Variants in CLEC3A observed in about 807,000 individuals in gnomAD.
CLEC3A encodes the protein C-type (calcium dependent, carbohydrate-recognition domain) lectin, superfamily member 1 (cartilage-derived).
In CLEC3A, 28 loss-of-function variants were observed where a neutral mutation model predicts 20.4. The observed-to-expected ratio is 1.37, with a 90% CI of 1.02 to 1.88. The LOEUF is 1.88. Ranked by LOEUF, CLEC3A falls within the 40% of genes most tolerant of loss-of-function variation. The pLI is 0.00. For missense variants in CLEC3A, 357 were observed against 240.4 expected (o/e 1.48, Z -3.21); for synonymous variants, 110 against 88.1 (o/e 1.25, Z -1.39).
intron 1 of CLEC3A, among the ~76,000 whole-genome samples, chr16:78,027,648 G>GT (rs2029966014): frequency 1.3e-5 from 2 of 151,400 alleles, no homozygotes; most frequent in Non-Finnish European, 2.9e-5. Flanking sequence ...TTCATTCATT[G>GT]TTTTTTTGTT....
At position 78,032,063 on chromosome 16, in the gene CLEC3A, T is replaced by C. The variant is rs1183740352; in HGVS notation, c.*1222T>C. 1.3e-5 allele frequency: 2 copies of C among 152,656 alleles called. No homozygotes were observed. Among genetic ancestry groups the C allele is most frequent in the African/African-American group, 4.8e-5 (2 of 41,456 alleles). 9.5% of individuals were successfully genotyped at this position (152,656 alleles called of 1,614,324 possible). On this transcript the variant is annotated 3_prime_UTR_variant, in exon 3 of 3. Transcript: ENST00000299642. ...ATGCTTGGAATTAAGTTTTAGCTGTTTTCATTGCTCAATAATAAAGCCTGA... is the reference window on the plus strand; with the variant it reads ...ATGCTTGGAATTAAGTTTTAGCTGTCTTCATTGCTCAATAATAAAGCCTGA...
Position 78,030,679 on chromosome 16 carries a change from C to G in CLEC3A, c.432C>G (p.Val144=), listed in dbSNP as rs200673800. Residue 144 remains valine, a synonymous_variant, in exon 3 of 3, where the codon GTC becomes GTG. Coordinates refer to ENST00000299642, the MANE Select transcript of CLEC3A (RefSeq NM_005752.6). ...TCACGGAAGGCAAGTTTGTTGACGTCAACGGAATCGCTATCTCCTTCCTCA... is the reference window on the plus strand; with the variant it reads ...TCACGGAAGGCAAGTTTGTTGACGTGAACGGAATCGCTATCTCCTTCCTCA... ...DMVTEGKFVD[V]NGIAISFLNW... The G allele has an allele frequency of 6.2e-7, 1 of 1,614,126 alleles. No individual in the cohort carries two copies. The highest frequency in any genetic ancestry group is 8.5e-7 in the Non-Finnish European group (1 of 1,180,026).
At chr16:78,023,687 C>T (rs2018777440) in intron 1 of CLEC3A, among the ~76,000 whole-genome samples, 2 of 151,392 alleles carry the variant, frequency 1.3e-5, no homozygotes, top group African/African-American at 4.9e-5. Flanking sequence ...GGGTCTTGTG[C>T]TTTAAGGATT....
chr16:78,025,969 A>G (rs2029907037), intron 1 of CLEC3A, among the ~76,000 whole-genome samples: 1 of 152,136 alleles, frequency 6.6e-6, no homozygotes, highest in African/African-American at 2.4e-5. Flanking sequence ...GGGATGGGGG[A>G]TGACATTTTT....
chr16:78,028,825 T>G (rs1382374148), intron 2 of CLEC3A, among the ~76,000 whole-genome samples: 1 of 152,208 alleles, frequency 6.6e-6, no homozygotes, highest in Non-Finnish European at 1.5e-5. Flanking sequence ...AGTTACTGCC[T>G]TCAGGGAAGA....
At chr16:78,029,531 G>C (rs1597153562) in intron 2 of CLEC3A, among the ~76,000 whole-genome samples, 1 of 151,984 alleles carries the variant, frequency 6.6e-6, no homozygotes, top group Non-Finnish European at 1.5e-5. Flanking sequence ...ACCACATCCA[G>C]CTAATTTTTT....
intron 1 of CLEC3A, among the ~76,000 whole-genome samples, chr16:78,024,150 C>CAT (rs1389882086): frequency 6.6e-6 from 1 of 152,114 alleles, no homozygotes; most frequent in Non-Finnish European, 1.5e-5. Flanking sequence ...GTAGATGAAA[C>CAT]ATATTGCTGA....
intron 2 of CLEC3A, among the ~76,000 whole-genome samples, chr16:78,028,741 A>G (rs2029998557): frequency 1.3e-5 from 2 of 152,390 alleles, no homozygotes; most frequent in Admixed American, 6.5e-5. Flanking sequence ...TCATCCCCCA[A>G]GGAGCTAATA....
chr16:78,025,382 G>T (rs980471784), intron 1 of CLEC3A, among the ~76,000 whole-genome samples: 1 of 152,140 alleles, frequency 6.6e-6, no homozygotes, highest in Admixed American at 6.5e-5. Context: ...CCCCATGTTA[G>T]GATGTTATGA....
In CLEC3A at chr16:78,031,025, G is replaced by C; in HGVS notation, c.*184G>C. ...ATTTCTTTGGGATTTTGCCCTTCCT[G>C]GGGTATAGGGGATCAGAAATATTGA... On this transcript the variant is annotated 3_prime_UTR_variant, in exon 3 of 3. Transcript: ENST00000299642. The C allele has an allele frequency of 1.7e-6, 1 of 605,624 alleles. No individual in the cohort carries two copies. Among genetic ancestry groups the C allele is most frequent in the Non-Finnish European group, 2.8e-6 (1 of 359,348 alleles). The allele number at this position is 605,624 out of a possible 1,614,324, so 37.5% of individuals were successfully genotyped here.
chr16:78,030,666 A>C lies in CLEC3A; in HGVS notation c.419A>C (p.Lys140Thr). Residue 140 changes from lysine to threonine, a missense_variant, in exon 3 of 3, where the codon AAG (lysine) becomes ACG (threonine). Physicochemically the swap from Lys to Thr is moderately conservative, Grantham distance 78 (BLOSUM62 -1). Coordinates refer to ENST00000299642, the MANE Select transcript of CLEC3A (RefSeq NM_005752.6). ...ATCAATGACATGGTCACGGAAGGCA[A>C]GTTTGTTGACGTCAACGGAATCGCT... ...LGINDMVTEG[K>T]FVDVNGIAIS... 1 of 1,614,098 alleles carries C rather than the reference A, an allele frequency of 6.2e-7. No individual in the cohort carries two copies. The highest frequency in any genetic ancestry group is 8.5e-7 in the Non-Finnish European group (1 of 1,180,012).
chr16:78,027,278 G>C (rs2029951263), intron 1 of CLEC3A, among the ~76,000 whole-genome samples: 2 of 152,186 alleles, frequency 1.3e-5, no homozygotes, highest in African/African-American at 4.8e-5. Context: ...AATAAAATGT[G>C]AACTGAGACT....
chr16:78,030,092 G>C (rs574815265), intron 2 of CLEC3A, among the ~76,000 whole-genome samples: 2 of 144,840 alleles, frequency 1.4e-5, no homozygotes, highest in African/African-American at 2.5e-5. Context: ...GGCGGAGCTT[G>C]CAGTGAGCCG....
At chr16:78,027,450 A>C (rs2029957355) in intron 1 of CLEC3A, among the ~76,000 whole-genome samples, 1 of 152,184 alleles carries the variant, frequency 6.6e-6, no homozygotes, top group African/African-American at 2.4e-5. Flanking sequence ...ACACACAGGG[A>C]AGATGAGATT....
intron 2 of CLEC3A, chr16:78,029,083 T>A (rs966223836): frequency 1.3e-5 from 6 of 454,160 alleles, no homozygotes; most frequent in Admixed American, 9.5e-5. Flanking sequence ...AATCCATTAA[T>A]CCTCCAGCAA....
chr16:78,022,746 T>C lies in CLEC3A; in HGVS notation c.115+5T>C, dbSNP rs1567542237. ...ACAGCAAACGTCGAGTGAGAGGTAA[T>C]GGGGCTTCTCAATCAAGCAAAATTC... On this transcript the variant is annotated splice_donor_5th_base_variant and intron_variant, in intron 1 of 2. Transcript: ENST00000299642. 4 of 1,613,528 alleles carry C rather than the reference T, an allele frequency of 2.5e-6. No homozygotes were observed. Among genetic ancestry groups the C allele is most frequent in the Non-Finnish European group, 8.5e-7 (1 of 1,179,952 alleles).
intron 2 of CLEC3A, among the ~76,000 whole-genome samples, chr16:78,029,823 G>A (rs1307992624): frequency 6.6e-6 from 1 of 152,088 alleles, no homozygotes; most frequent in Non-Finnish European, 1.5e-5. Flanking sequence ...CTGCATTTGG[G>A]TAGCTGTGAT....
chr16:78,028,020 C>T, intron 1 of CLEC3A, 87 bp from the exon 2 acceptor site: 2 of 916,550 alleles, frequency 2.2e-6, no homozygotes, highest in African/African-American at 1.7e-5. Context: ...CCACTATTGC[C>T]TTGGGTCCTA....
intron 1 of CLEC3A, 45 bp downstream of exon 1, chr16:78,022,786 G>A (rs1341687132): frequency 6.2e-7 from 1 of 1,603,696 alleles, no homozygotes; most frequent in Admixed American, 1.7e-5. Flanking sequence ...CTTAGACAGT[G>A]TGGGGAGGTG....
Sources: allele counts gnomAD v4.1 joint callset (sites outside exome capture counted in the v4.1 genomes callset), GRCh38; gene constraint gnomAD v4.1.1; transcripts MANE v1.5; gene names NCBI Gene and HGNC (gene_info 2026-07-23, HGNC 2026-07-21).